Variants in PCDHA4 observed in about 807,000 individuals in gnomAD.
The protein encoded by PCDHA4 is protocadherin alpha-4.
A neutral mutation model predicts 61.4 loss-of-function variants in PCDHA4; 49 were observed. That is an observed-to-expected ratio of 0.80 (90% CI 0.63 to 1.01). PCDHA4 has a LOEUF of 1.01. PCDHA4 is among the 50% of genes least tolerant of loss of function. The pLI, the probability that PCDHA4 is intolerant of heterozygous loss-of-function variation, is 0.00. For missense variants in PCDHA4, 1,254 were observed against 1,235.8 expected (o/e 1.01, Z -0.22); for synonymous variants, 590 against 550.3 (o/e 1.07, Z -1.01).
At chr5:140,922,791 T>A (rs1454046146) in intron 1 of PCDHA4, among the ~76,000 whole-genome samples, 1 of 152,078 alleles carries the variant, frequency 6.6e-6, no homozygotes, top group Non-Finnish European at 1.5e-5. Flanking sequence ...AAACTGTAGC[T>A]TTGGAATACA....
At chr5:140,952,654 G>T (rs541888180) in intron 1 of PCDHA4, among the ~76,000 whole-genome samples, 4 of 152,270 alleles carry the variant, frequency 2.6e-5, no homozygotes, top group African/African-American at 9.6e-5. Context: ...TGGTTACCCA[G>T]TTCCAAAGTC....
At chr5:140,928,958 C>T in intron 1 of PCDHA4, 1 of 1,613,930 alleles carries the variant, frequency 6.2e-7, no homozygotes, top group South Asian at 1.1e-5. Flanking sequence ...ATTGCCTTGG[C>T]TTGTATTTCC....
At position 140,836,007 on chromosome 5, in the gene PCDHA4, G is replaced by T. The variant is rs2150250458; in HGVS notation, c.2385+26435G>T. The T allele has an allele frequency of 5.0e-5, 81 of 1,613,178 alleles. 3 individuals are homozygous for T. In the East Asian group the frequency reaches 1.3e-3, roughly 27 times the overall value. On this transcript the variant is annotated intron_variant, in intron 1 of 3. Transcript: ENST00000530339. ...CCAGGTGAGCGCGCGCGATGCGGGC[G>T]TGCCGCCTCTGGGCAGCAACGTGAC...
intron 1 of PCDHA4, among the ~76,000 whole-genome samples, chr5:140,971,090 T>G (rs1554233007): frequency 1.3e-5 from 2 of 152,204 alleles, no homozygotes. Context: ...TAACAAATTC[T>G]TGTGAAGCCC....
At chr5:140,963,911 T>C (rs2095797811) in intron 1 of PCDHA4, among the ~76,000 whole-genome samples, 1 of 152,238 alleles carries the variant, frequency 6.6e-6, no homozygotes, top group African/African-American at 2.4e-5. Context: ...AAGTGAAGCT[T>C]AGGCTAAGTA....
At chr5:140,883,538 G>A (rs782240531) in intron 1 of PCDHA4, 1 of 1,614,230 alleles carries the variant, frequency 6.2e-7, no homozygotes, top group Admixed American at 1.7e-5. Flanking sequence ...CTATGAACTG[G>A]TGGTGACCGC....
At chr5:140,882,535 G>A (rs2059175245) in intron 1 of PCDHA4, 4 of 1,614,232 alleles carry the variant, frequency 2.5e-6, no homozygotes, top group East Asian at 2.2e-5. Flanking sequence ...TGAATTCTCG[G>A]ATCGACCGCG....
At chr5:140,823,847 C>T (rs2150129709) in intron 1 of PCDHA4, 852,665 of 1,613,520 alleles carry the variant, frequency 0.53, 225,878 homozygotes, top group Middle Eastern at 0.58. Flanking sequence ...CCCGAGGCTG[C>T]CCTGGTGGAT....
chr5:140,964,133 G>A (rs2095812042), intron 1 of PCDHA4, among the ~76,000 whole-genome samples: 1 of 152,182 alleles, frequency 6.6e-6, no homozygotes, highest in African/African-American at 2.4e-5. Context: ...AACTAGTAAG[G>A]TTGGCAGGAG....
chr5:140,980,030 C>T (rs552658283), intron 2 of PCDHA4, among the ~76,000 whole-genome samples: 29 of 152,292 alleles, frequency 1.9e-4, no homozygotes, highest in Admixed American at 4.6e-4. Flanking sequence ...GAAATCATTA[C>T]ATTGGGTGCT....
rs1763899962 is a variant in PCDHA4, at chr5:140,807,366, T to C, written c.179T>C (p.Val60Ala). 6.2e-7 allele frequency: 1 copy of C among 1,608,846 alleles called. No homozygotes were observed. Among genetic ancestry groups the C allele is most frequent in the South Asian group, 1.1e-5 (1 of 90,702 alleles). The change falls in exon 1 of 4, where the codon GTG becomes GCG. Residue 60 changes from valine to alanine, a missense_variant. Coordinates refer to ENST00000530339, the MANE Select transcript of PCDHA4 (RefSeq NM_018907.4). Reference protein sequence around the residue: ...QDLGLELAELVPRLFRVASKG... With the variant: ...QDLGLELAELAPRLFRVASKG... Reference sequence around the variant, plus strand: ...CTGGGACTGGAGCTGGCGGAGCTGGTGCCGCGCCTGTTCCGGGTGGCGTCC... The same window carrying C: ...CTGGGACTGGAGCTGGCGGAGCTGGCGCCGCGCCTGTTCCGGGTGGCGTCC...
rs142945176 is a variant in PCDHA4 at position 140,835,679 on chromosome 5, G to T, written c.2385+26107G>T. 2.3e-4 allele frequency: 379 copies of T among 1,613,738 alleles called. 3 individuals are homozygous for T. Among genetic ancestry groups the T allele is most frequent in the Non-Finnish European group, 3.0e-4 (359 of 1,179,882 alleles). On this transcript the variant is annotated intron_variant, in intron 1 of 3. Transcript: ENST00000530339. ...TGGTTACCGCGCGGGACGGGGGCTC[G>T]CCTTCTCTGTGGGCCACTGCTAGCG...
chr5:140,863,301 C>T lies in PCDHA4; in HGVS notation c.2385+53729C>T, dbSNP rs782465834. ...ATGTCAACGTGTACCTGATCATCGC[C>T]ATCTGCGTGGTGTCCAGCCTGTTAG... On this transcript the variant is annotated intron_variant, in intron 1 of 3. Coordinates refer to ENST00000530339, the MANE Select transcript of PCDHA4 (RefSeq NM_018907.4). The T allele has an allele frequency of 2.7e-6, 4 of 1,463,618 alleles. No homozygotes were observed. In the South Asian group the frequency reaches 4.5e-5, roughly 16 times the overall value. 90.7% of individuals were successfully genotyped at this position (1,463,618 alleles called of 1,614,324 possible).
rs2150316102 is a variant in PCDHA4 at position 140,841,467 on chromosome 5, C to T, written c.2385+31895C>T. On this transcript the variant is annotated intron_variant, in intron 1 of 3. Coordinates refer to ENST00000530339, the MANE Select transcript of PCDHA4 (RefSeq NM_018907.4). Reference sequence around the variant, plus strand: ...CACGGCACCTTCGTGGGCCGGATCGCGCAGGACCTGGGGCTGGAGCTGGCG... The same window carrying T: ...CACGGCACCTTCGTGGGCCGGATCGTGCAGGACCTGGGGCTGGAGCTGGCG... The T allele has an allele frequency of 2.4e-5, 39 of 1,612,946 alleles. 1 individual carries two copies. In the South Asian group the frequency reaches 4.0e-4, roughly 16 times the overall value.
chr5:140,876,499 G>C, intron 1 of PCDHA4: 1 of 1,614,028 alleles, frequency 6.2e-7, no homozygotes, highest in South Asian at 1.1e-5. Flanking sequence ...AGTTCTGGAC[G>C]TGAATGACAA....
intron 1 of PCDHA4, chr5:140,876,227 C>T (rs782218758): frequency 2.5e-6 from 4 of 1,613,794 alleles, no homozygotes; most frequent in South Asian, 2.2e-5. Flanking sequence ...GTAGTGTTGT[C>T]TGAAAATGTC....
At position 140,982,438 on chromosome 5, in the gene PCDHA4, T is replaced by C. The variant is rs782761318; in HGVS notation, c.2445-37T>C. On this transcript the variant is annotated intron_variant, in intron 2 of 3. Coordinates refer to ENST00000530339, the MANE Select transcript of PCDHA4 (RefSeq NM_018907.4). ...GGAAGAAGAGATGGGAAAGAATTTA[T>C]GATCTAACCGTTATCTGGGTCTGTG... is the stretch of plus-strand genomic sequence containing the variant. The C allele has an allele frequency of 3.1e-6, 5 of 1,611,448 alleles. No individual in the cohort carries two copies. The South Asian group carries it at 5.5e-5, about 18-fold the overall frequency.
At chr5:140,829,405 C>G (rs17853692) in intron 1 of PCDHA4, 14 of 1,614,152 alleles carry the variant, frequency 8.7e-6, no homozygotes, top group South Asian at 4.4e-5. Flanking sequence ...TGTGGGCCAC[C>G]GCCAGCTTGT....
At chr5:140,897,656 C>T (rs2153457504) in intron 1 of PCDHA4, among the ~76,000 whole-genome samples, 1 of 152,200 alleles carries the variant, frequency 6.6e-6, no homozygotes, top group Non-Finnish European at 1.5e-5. Flanking sequence ...CATACGTGTG[C>T]ATGTGTCTTT....
Sources: allele counts gnomAD v4.1 joint callset (sites outside exome capture counted in the v4.1 genomes callset), GRCh38; gene constraint gnomAD v4.1.1; transcripts MANE v1.5; gene names NCBI Gene and HGNC (gene_info 2026-07-23, HGNC 2026-07-21).